TMEM163: variants seen among roughly 807,000 people sequenced by gnomAD.
TMEM163 encodes transmembrane protein 163.
A neutral mutation model predicts 29.3 loss-of-function variants in TMEM163; 17 were observed. That is an observed-to-expected ratio of 0.58 (90% CI 0.40 to 0.87). TMEM163 has a LOEUF of 0.87. Ranked by LOEUF, TMEM163 falls within the 40% of genes least tolerant of loss-of-function variation. The probability of loss-of-function intolerance (pLI) is 0.00; values close to 1 mark genes in which losing one functional copy is unlikely to be tolerated. For synonymous variants in TMEM163, 157 were observed against 160.6 expected (o/e 0.98, Z 0.17); for missense variants, 303 against 381.5 (o/e 0.79, Z 1.71).
intron 3 of TMEM163, 36 bp from the exon 4 acceptor site, chr2:134,550,697 C>T (rs1680897648): frequency 6.3e-7 from 1 of 1,577,744 alleles, no homozygotes; most frequent in Non-Finnish European, 8.7e-7. Context: ...AGGCTTTCCA[C>T]AGTTAATAGC....
intron 2 of TMEM163, among the ~76,000 whole-genome samples, chr2:134,614,866 AC>A (rs369671179): frequency 2.0e-5 from 3 of 152,074 alleles, no homozygotes; most frequent in African/African-American, 4.8e-5. Flanking sequence ...AAAAAAAAAA[AC>A]AAAACACATT....
At position 134,625,904 on chromosome 2, in the gene TMEM163, G is replaced by A. The variant is rs1222285189; in HGVS notation, c.323-73813C>T. ...TCCCCAACCCGCTTACAGCGTGTAA[G>A]CTAGCCCCAGAGTCCAGGTTTCCCA... On this transcript the variant is annotated intron_variant, in intron 2 of 7. Coordinates refer to ENST00000281924, the MANE Select transcript of TMEM163 (RefSeq NM_030923.5). 4.6e-5 allele frequency among the ~76,000 whole-genome samples: 7 copies of A among 152,264 alleles called. No homozygotes were observed. In the East Asian group the frequency reaches 9.7e-4, roughly 21 times the overall value.
intron 4 of TMEM163, among the ~76,000 whole-genome samples, chr2:134,508,980 T>C (rs1263707334): frequency 6.6e-6 from 1 of 152,170 alleles, no homozygotes; most frequent in African/African-American, 2.4e-5. Context: ...AAATGACCTG[T>C]GGTTTACACC....
chr2:134,531,164 G>A (rs1453677867), intron 4 of TMEM163, among the ~76,000 whole-genome samples: 1 of 152,262 alleles, frequency 6.6e-6, no homozygotes, highest in East Asian at 1.9e-4. Context: ...TTTCATGCCA[G>A]TACCTACCTC....
chr2:134,682,026 A>G (rs915701508), intron 2 of TMEM163, among the ~76,000 whole-genome samples: 1 of 152,192 alleles, frequency 6.6e-6, no homozygotes, highest in Non-Finnish European at 1.5e-5. Flanking sequence ...CAGAATCTGC[A>G]TTCAATTAAC....
intron 5 of TMEM163, among the ~76,000 whole-genome samples, chr2:134,485,015 G>T (rs1679278355): frequency 6.6e-6 from 1 of 152,166 alleles, no homozygotes. Flanking sequence ...AATATTTTAA[G>T]ACAGTAATTT....
intron 2 of TMEM163, among the ~76,000 whole-genome samples, chr2:134,712,707 G>A (rs553716576): frequency 9.9e-5 from 15 of 151,806 alleles, no homozygotes; most frequent in East Asian, 1.9e-4. Flanking sequence ...TTGTTTCCAC[G>A]GCCACTGAAA....
At chr2:134,567,331 C>T (rs1252032329) in intron 2 of TMEM163, among the ~76,000 whole-genome samples, 1 of 152,154 alleles carries the variant, frequency 6.6e-6, no homozygotes, top group Non-Finnish European at 1.5e-5. Flanking sequence ...TTTTAAACTA[C>T]CTAGGTGTAG....
At chr2:134,488,708 G>C (rs1314956409) in intron 5 of TMEM163, among the ~76,000 whole-genome samples, 1 of 152,106 alleles carries the variant, frequency 6.6e-6, no homozygotes, top group South Asian at 2.1e-4. Context: ...TGTCCCTCTA[G>C]AGAACCCTGA....
intron 4 of TMEM163, among the ~76,000 whole-genome samples, chr2:134,512,619 CT>C (rs1307587873): frequency 6.6e-6 from 1 of 152,198 alleles, no homozygotes; most frequent in Admixed American, 6.5e-5. Flanking sequence ...TCCACTGCAC[CT>C]TGTGCCAGGC....
intron 2 of TMEM163, among the ~76,000 whole-genome samples, chr2:134,562,522 G>C (rs71417518): frequency 0.011 from 1,695 of 152,328 alleles, 30 homozygotes; most frequent in Non-Finnish European, 0.013. Context: ...ATGGCCCTTG[G>C]TCTGCACTGC....
At chr2:134,549,862 G>T (rs1448041822) in intron 4 of TMEM163, among the ~76,000 whole-genome samples, 2 of 126,180 alleles carry the variant, frequency 1.6e-5, no homozygotes, top group Admixed American at 7.4e-5. Context: ...GTGTGTGTTT[G>T]TGTGTGTGTG....
intron 2 of TMEM163, among the ~76,000 whole-genome samples, chr2:134,617,902 G>C (rs1027978022): frequency 6.6e-6 from 1 of 152,106 alleles, no homozygotes; most frequent in Non-Finnish European, 1.5e-5. Context: ...CTTGAGCCTA[G>C]GAGTTCAAGA....
chr2:134,688,035 A>G (rs562901382), intron 2 of TMEM163, among the ~76,000 whole-genome samples: 1 of 152,132 alleles, frequency 6.6e-6, no homozygotes, highest in South Asian at 2.1e-4. Flanking sequence ...TGGCCAGACC[A>G]CTCCAATAAC....
intron 2 of TMEM163, among the ~76,000 whole-genome samples, chr2:134,670,838 C>T (rs1683979242): frequency 1.3e-5 from 2 of 152,186 alleles, no homozygotes; most frequent in South Asian, 4.1e-4. Context: ...ATTAAAGTCC[C>T]CGATTTTAAA....
At chr2:134,466,448 C>T in intron 5 of TMEM163, 2 of 518,514 alleles carry the variant, frequency 3.9e-6, no homozygotes, top group Non-Finnish European at 7.0e-6. Flanking sequence ...ACTTAAAAAA[C>T]CATTACGTAT....
chr2:134,515,076 G>C (rs2106492520), intron 4 of TMEM163, among the ~76,000 whole-genome samples: 1 of 152,360 alleles, frequency 6.6e-6, no homozygotes, highest in Non-Finnish European at 1.5e-5. Context: ...TCTTATGGCA[G>C]TGGCAGCAAA....
chr2:134,591,057 A>G (rs1436611809), intron 2 of TMEM163, among the ~76,000 whole-genome samples: 1 of 152,216 alleles, frequency 6.6e-6, no homozygotes, highest in East Asian at 1.9e-4. Flanking sequence ...AAGGGCCTAC[A>G]TGTACATTAG....
At chr2:134,560,449 G>A (rs922678582) in intron 2 of TMEM163, among the ~76,000 whole-genome samples, 1 of 152,160 alleles carries the variant, frequency 6.6e-6, no homozygotes, top group Non-Finnish European at 1.5e-5. Context: ...CCTTCAGGGA[G>A]AAGGCAGACA....
Sources: allele counts gnomAD v4.1 joint callset (sites outside exome capture counted in the v4.1 genomes callset), GRCh38; gene constraint gnomAD v4.1.1; transcripts MANE v1.5; gene names NCBI Gene and HGNC (gene_info 2026-07-23, HGNC 2026-07-21).